ITGAM: variants seen among roughly 807,000 people sequenced by gnomAD.
ITGAM encodes integrin alpha-M.
ITGAM carries 79 observed loss-of-function variants against 137.5 expected under a neutral mutation model. The ratio of observed to expected loss-of-function variants is 0.57; its 90% CI spans 0.48 to 0.69. ITGAM has a LOEUF of 0.69. Among genes scored for constraint, ITGAM ranks in the 30% least tolerant of loss-of-function variants. The pLI is 0.00. For synonymous variants in ITGAM, 583 were observed against 592.3 expected, an observed-to-expected ratio of 0.98 and a Z score of 0.23; for missense variants, 1,343 against 1,483.5, an observed-to-expected ratio of 0.91 and a Z score of 1.56.
At chr16:31,282,458 G>A (rs1056300147) in intron 12 of ITGAM, among the ~76,000 whole-genome samples, 2 of 152,022 alleles carry the variant, frequency 1.3e-5, no homozygotes, top group South Asian at 2.1e-4. Flanking sequence ...GAATTTATCG[G>A]TTTACCATTA....
chr16:31,276,783 G>A (rs1197890091), intron 10 of ITGAM, 39 bp downstream of exon 10: 3 of 1,584,966 alleles, frequency 1.9e-6, no homozygotes, highest in African/African-American at 2.7e-5. Context: ...GTGGGGCAGG[G>A]GGTAGCAAGA....
intron 14 of ITGAM, among the ~76,000 whole-genome samples, chr16:31,303,888 A>G (rs549334751): frequency 2.6e-5 from 4 of 152,314 alleles, no homozygotes; most frequent in Middle Eastern, 3.4e-3. Flanking sequence ...GTTTGGTTCC[A>G]TATCTTTGCA....
intron 7 of ITGAM, among the ~76,000 whole-genome samples, chr16:31,272,292 C>T (rs976545910): frequency 6.7e-6 from 1 of 150,194 alleles, no homozygotes; most frequent in African/African-American, 2.4e-5. Context: ...TTGGGAAGTT[C>T]ACTCTGATTT....
intron 2 of ITGAM, among the ~76,000 whole-genome samples, chr16:31,265,143 C>A (rs535078193): frequency 1.1e-4 from 16 of 152,278 alleles, no homozygotes; most frequent in African/African-American, 3.8e-4. Flanking sequence ...GCTAGGATTA[C>A]AAGCATGAGC....
chr16:31,290,482 C>T (rs2144358435), intron 12 of ITGAM, among the ~76,000 whole-genome samples: 1 of 152,196 alleles, frequency 6.6e-6, no homozygotes, highest in Middle Eastern at 3.4e-3. Flanking sequence ...GAAGAAAAAA[C>T]ATGTAACCAC....
At chr16:31,305,294 G>T (rs547329217) in intron 14 of ITGAM, among the ~76,000 whole-genome samples, 1 of 152,182 alleles carries the variant, frequency 6.6e-6, no homozygotes, top group Admixed American at 6.5e-5. Flanking sequence ...CTACTGATTT[G>T]CATACATTGA....
In ITGAM at chr16:31,324,729, G is replaced by C; in HGVS notation, c.2236G>C (p.Gly746Arg). ...GGTGGGAACGCCATTGTCTGCTTTCGGGAACCTCCGGCCAGTGCTGGCGGA... is the reference window on the plus strand; with the variant it reads ...GGTGGGAACGCCATTGTCTGCTTTCCGGAACCTCCGGCCAGTGCTGGCGGA... ...SLVGTPLSAF[G>R]NLRPVLAEDA... The change falls in exon 18 of 30, where the codon GGG (glycine) becomes CGG (arginine). Residue 746 changes from glycine to arginine, a missense_variant. Gly to Arg is a moderately radical substitution (Grantham distance 125). Transcript: ENST00000544665. The surrounding 1 kb of genome is among the most constrained non-coding windows in gnomAD (Gnocchi z 4.5). The C allele has an allele frequency of 6.3e-7, 1 of 1,597,308 alleles. No homozygotes were observed. Among genetic ancestry groups the C allele is most frequent in the Non-Finnish European group, 8.5e-7 (1 of 1,172,460 alleles).
intron 8 of ITGAM, among the ~76,000 whole-genome samples, chr16:31,275,223 T>A (rs1018874116): frequency 1.3e-5 from 2 of 152,122 alleles, no homozygotes; most frequent in African/African-American, 4.8e-5. Flanking sequence ...GATATCACCA[T>A]GGATACATGC....
chr16:31,294,422 A>C (rs2080113774), intron 12 of ITGAM, among the ~76,000 whole-genome samples: 1 of 152,124 alleles, frequency 6.6e-6, no homozygotes, highest in Admixed American at 6.5e-5. Flanking sequence ...TACCTAGTTT[A>C]TTGAGAATTT....
chr16:31,304,275 G>A (rs1045027217), intron 14 of ITGAM, among the ~76,000 whole-genome samples: 7 of 151,994 alleles, frequency 4.6e-5, no homozygotes, highest in Non-Finnish European at 7.4e-5. Context: ...TTTGAGAATT[G>A]TCTATTCATA....
At chr16:31,266,334 C>T (rs946520659) in intron 5 of ITGAM, among the ~76,000 whole-genome samples, 187 bp downstream of exon 5, 1 of 149,894 alleles carries the variant, frequency 6.7e-6, no homozygotes, top group Non-Finnish European at 1.5e-5. Context: ...TGGCTAGGCA[C>T]AGTGGCTCAT....
Position 31,273,511 on chromosome 16 carries a change from T to A in ITGAM, c.851T>A (p.Val284Asp), listed in dbSNP as rs373307087. Residue 284 changes from valine to aspartate, a missense_variant, in exon 8 of 30, where the codon GTC becomes GAC. Val to Asp is a radical substitution (Grantham distance 152). Coordinates refer to ENST00000544665, the MANE Select transcript of ITGAM (RefSeq NM_000632.4). Reference sequence around the variant, plus strand: ...GACAGAGAGGGAGTCATTCGCTACGTCATTGGGGTAGGGAATGCAGCTCTC... The same window carrying A: ...GACAGAGAGGGAGTCATTCGCTACGACATTGGGGTAGGGAATGCAGCTCTC... Reference protein sequence around the residue: ...EADREGVIRYVIGVGDAFRSE... With the variant: ...EADREGVIRYDIGVGDAFRSE... The A allele has an allele frequency of 1.2e-5, 20 of 1,613,478 alleles. No homozygotes were observed. The highest frequency in any genetic ancestry group is 3.4e-6 in the Non-Finnish European group (4 of 1,179,634).
chr16:31,270,742 T>TATATATATATATATATATATA (rs1343169219), intron 5 of ITGAM, among the ~76,000 whole-genome samples: 4 of 109,900 alleles, frequency 3.6e-5, no homozygotes, highest in African/African-American at 1.2e-4. Flanking sequence ...TATATATATA[T>TATATATATATATATATATATA]ATGTTTTTAA....
chr16:31,299,264 T>C lies in ITGAM; in HGVS notation c.1707+1310T>C, dbSNP rs545345928. Reference sequence around the variant, plus strand: ...CAACTCCTCATTGTTCTCTAGCCTCTGGCAGCCACCATTATATTCTTTGCT... The same window carrying C: ...CAACTCCTCATTGTTCTCTAGCCTCCGGCAGCCACCATTATATTCTTTGCT... On this transcript the variant is annotated intron_variant, in intron 14 of 29. Coordinates refer to ENST00000544665, the MANE Select transcript of ITGAM (RefSeq NM_000632.4). Among the ~76,000 whole-genome samples, 350 of 152,268 alleles carry C rather than the reference T, an allele frequency of 2.3e-3. 6 individuals carry two copies. The highest frequency in any genetic ancestry group is 1.9e-3 in the Non-Finnish European group (130 of 68,024).
At chr16:31,276,512 A>G (rs867163160) in intron 9 of ITGAM, among the ~76,000 whole-genome samples, 159 bp from the exon 10 acceptor site, 3 of 152,084 alleles carry the variant, frequency 2.0e-5, no homozygotes, top group Admixed American at 6.6e-5. Flanking sequence ...TTGTATTTTT[A>G]GTAGAGACGG....
Position 31,260,101 on chromosome 16 carries a change from G to A in ITGAM, c.28+9G>A, listed in dbSNP as rs1308531673. 6.4e-7 allele frequency: 1 copy of A among 1,562,788 alleles called. No homozygotes were observed. The highest frequency in any genetic ancestry group is 1.9e-5 in the Admixed American group (1 of 54,020). On this transcript the variant is annotated intron_variant, in intron 1 of 29. Transcript: ENST00000544665. ...AGTCCTTCTGTTAACAGGTGCATGGGGGTGGGGTGGGGGACTCTGGGTGGG... is the reference window on the plus strand; with the variant it reads ...AGTCCTTCTGTTAACAGGTGCATGGAGGTGGGGTGGGGGACTCTGGGTGGG...
At chr16:31,275,742 C>T in intron 9 of ITGAM, 43 bp downstream of exon 9, 2 of 1,603,216 alleles carry the variant, frequency 1.2e-6, no homozygotes, top group Non-Finnish European at 1.7e-6. Flanking sequence ...CCAGAGGCAG[C>T]CCCCCACCCC....
At position 31,325,317 on chromosome 16, in the gene ITGAM, G is replaced by A. The variant is rs1032131315; in HGVS notation, c.2418G>A (p.Val806=). ...GGGAGTTCAACGTGACAGTGACTGT[G>A]AGAAATGATGGTGAGGACTCCTACA... ...GPREFNVTVT[V]RNDGEDSYRT... Residue 806 remains valine (V), a synonymous_variant, in exon 20 of 30, where the codon GTG becomes GTA. Coordinates refer to ENST00000544665, the MANE Select transcript of ITGAM (RefSeq NM_000632.4). The A allele has an allele frequency of 2.5e-6, 4 of 1,613,962 alleles. No individual in the cohort carries two copies. Among genetic ancestry groups the A allele is most frequent in the African/African-American group, 2.7e-5 (2 of 75,042 alleles).
intron 28 of ITGAM, 86 bp from the exon 29 acceptor site, chr16:31,331,079 C>G: frequency 1.4e-6 from 1 of 705,064 alleles, no homozygotes; most frequent in East Asian, 2.7e-5. Context: ...GGGTTCCCCA[C>G]TTGATTCAGG....
Sources: gnomAD v4.1 joint callset for allele counts (sites outside exome capture counted in the v4.1 genomes callset) on GRCh38, gnomAD v4.1.1 for gene constraint, Gnocchi (gnomAD v3.1) non-coding constraint, MANE v1.5 for transcripts, NCBI Gene and HGNC (gene_info 2026-07-23, HGNC 2026-07-21) for gene names.